Variants in CDH9 observed in about 807,000 individuals in gnomAD.
CDH9 encodes cadherin-9.
CDH9 carries 28 observed loss-of-function variants against 70.9 expected under a neutral mutation model. That is an observed-to-expected ratio of 0.40 (90% CI 0.29 to 0.54). The LOEUF is 0.54. CDH9 is among the 20% of genes least tolerant of loss of function. The pLI is 0.59. For synonymous variants in CDH9, 409 were observed against 343.1 expected, an observed-to-expected ratio of 1.19 and a Z score of -2.12; for missense variants, 874 against 984.4, an observed-to-expected ratio of 0.89 and a Z score of 1.50.
chr5:26,906,846 A>G lies in CDH9; in HGVS notation c.524-8T>C. 2 of 1,596,332 alleles carry G rather than the reference A, an allele frequency of 1.3e-6. No individual in the cohort carries two copies. The highest frequency in any genetic ancestry group is 8.6e-7 in the Non-Finnish European group (1 of 1,169,186). On this transcript the variant is annotated splice_region_variant and splice_polypyrimidine_tract_variant and intron_variant, in intron 3 of 11. Coordinates refer to ENST00000231021, the MANE Select transcript of CDH9 (RefSeq NM_016279.4). ...CTTGTATAACAGATGTACCTACATG[A>G]AACCCCCATCCCCAAACAGAGACAT...
intron 2 of CDH9, among the ~76,000 whole-genome samples, chr5:26,948,284 G>T (rs1741787731): frequency 6.6e-6 from 1 of 152,312 alleles, no homozygotes; most frequent in South Asian, 2.1e-4. Flanking sequence ...GAGCTGTTTG[G>T]GTTCCTAAAA....
intron 2 of CDH9, among the ~76,000 whole-genome samples, chr5:26,969,339 C>A (rs903496849): frequency 3.3e-5 from 5 of 151,582 alleles, no homozygotes; most frequent in African/African-American, 1.2e-4. Context: ...CTTCATAATC[C>A]CCTGCCAAGT....
intron 2 of CDH9, among the ~76,000 whole-genome samples, chr5:26,976,394 A>T (rs1742302893): frequency 6.6e-6 from 1 of 152,134 alleles, no homozygotes; most frequent in African/African-American, 2.4e-5. Flanking sequence ...ACACAGGCAT[A>T]TTGATTGTGA....
At chr5:27,035,192 T>TATATATATATA in intron 1 of CDH9, among the ~76,000 whole-genome samples, 1 of 148,676 alleles carries the variant, frequency 6.7e-6, no homozygotes, top group African/African-American at 2.4e-5. Context: ...TATATATATA[T>TATATATATATA]TTAACTTGAC....
intron 2 of CDH9, among the ~76,000 whole-genome samples, chr5:26,936,682 T>C (rs1741564203): frequency 6.6e-6 from 1 of 152,040 alleles, no homozygotes; most frequent in South Asian, 2.1e-4. Context: ...GTGGTACTGG[T>C]GAATAAGTAA....
chr5:26,970,012 A>T (rs1465815316), intron 2 of CDH9, among the ~76,000 whole-genome samples: 2 of 150,618 alleles, frequency 1.3e-5, no homozygotes, highest in East Asian at 1.9e-4. Context: ...TTATACCAAA[A>T]CCAATTTTAA....
chr5:26,934,007 T>C (rs1024050691), intron 2 of CDH9, among the ~76,000 whole-genome samples: 1 of 152,076 alleles, frequency 6.6e-6, no homozygotes, highest in South Asian at 2.1e-4. Flanking sequence ...TCAGGTTGTA[T>C]AAGAAGCATG....
At chr5:27,021,663 C>T (rs1743140558) in intron 1 of CDH9, among the ~76,000 whole-genome samples, 1 of 151,760 alleles carries the variant, frequency 6.6e-6, no homozygotes, top group African/African-American at 2.4e-5. Context: ...ATCCTGTATG[C>T]TAATTATGTG....
At chr5:26,919,142 A>C (rs1053637206) in intron 2 of CDH9, among the ~76,000 whole-genome samples, 1 of 152,174 alleles carries the variant, frequency 6.6e-6, no homozygotes, top group Non-Finnish European at 1.5e-5. Flanking sequence ...TGATTTTACC[A>C]TCATATTAAT....
chr5:27,037,621 G>C (rs545168138), intron 1 of CDH9, among the ~76,000 whole-genome samples: 43 of 151,988 alleles, frequency 2.8e-4, no homozygotes, highest in Non-Finnish European at 5.6e-4. Context: ...GATGTGAATG[G>C]TGATCTTGAG....
chr5:26,965,207 T>G (rs1742108737), intron 2 of CDH9, among the ~76,000 whole-genome samples: 1 of 152,122 alleles, frequency 6.6e-6, no homozygotes. Context: ...CTTTTAAAAT[T>G]AAAACACTCA....
intron 2 of CDH9, among the ~76,000 whole-genome samples, chr5:26,916,910 T>G (rs1741158998): frequency 6.6e-6 from 1 of 151,988 alleles, no homozygotes; most frequent in African/African-American, 2.4e-5. Flanking sequence ...CCTCTGGCCA[T>G]ATGAACTATG....
chr5:27,024,233 T>G (rs1412189622), intron 1 of CDH9, among the ~76,000 whole-genome samples: 1 of 152,002 alleles, frequency 6.6e-6, no homozygotes, highest in Non-Finnish European at 1.5e-5. Flanking sequence ...GAGATTTTTA[T>G]TCTCTGTGCC....
intron 2 of CDH9, among the ~76,000 whole-genome samples, chr5:26,965,042 A>G (rs952317251): frequency 5.9e-5 from 9 of 152,098 alleles, no homozygotes; most frequent in Non-Finnish European, 1.2e-4. Context: ...AAAACTTCCA[A>G]CTACTAACTT....
chr5:27,006,936 G>C (rs942646198), intron 1 of CDH9, among the ~76,000 whole-genome samples: 1 of 152,008 alleles, frequency 6.6e-6, no homozygotes, highest in African/African-American at 2.4e-5. Context: ...TACATAACCA[G>C]AGAGTTTGTG....
intron 1 of CDH9, among the ~76,000 whole-genome samples, chr5:27,026,702 A>C (rs1028336063): frequency 6.6e-6 from 1 of 151,978 alleles, no homozygotes; most frequent in Non-Finnish European, 1.5e-5. Context: ...ATAGAAAAAA[A>C]ATTAGTAAAT....
At chr5:26,984,111 C>A (rs1251295057) in intron 2 of CDH9, among the ~76,000 whole-genome samples, 1 of 152,036 alleles carries the variant, frequency 6.6e-6, no homozygotes, top group Non-Finnish European at 1.5e-5. Flanking sequence ...ATGTTAAAAT[C>A]CCTTTCCACT....
At chr5:26,922,588 C>T (rs1741264118) in intron 2 of CDH9, among the ~76,000 whole-genome samples, 1 of 151,810 alleles carries the variant, frequency 6.6e-6, no homozygotes, top group Admixed American at 6.6e-5. Flanking sequence ...ACAAGAAATG[C>T]TAAAGGGAGT....
chr5:26,908,808 T>C (rs1038023303), intron 3 of CDH9, among the ~76,000 whole-genome samples: 1 of 152,184 alleles, frequency 6.6e-6, no homozygotes, highest in African/African-American at 2.4e-5. Context: ...TTAAGAATGC[T>C]TTTAAACACT....
Sources: allele counts gnomAD v4.1 joint callset (sites outside exome capture counted in the v4.1 genomes callset), GRCh38; gene constraint gnomAD v4.1.1; transcripts MANE v1.5; gene names NCBI Gene and HGNC (gene_info 2026-07-23, HGNC 2026-07-21).